Variants in ZMYM1 observed in about 807,000 individuals in gnomAD.
ZMYM1 encodes zinc finger MYM-type containing 1.
A neutral mutation model predicts 60.0 loss-of-function variants in ZMYM1; 39 were observed. The ratio of observed to expected loss-of-function variants is 0.65; its 90% CI spans 0.50 to 0.85. ZMYM1 has a LOEUF of 0.85. Ranked by LOEUF, ZMYM1 falls within the 40% of genes least tolerant of loss-of-function variation. The pLI is 0.00. For synonymous variants in ZMYM1, 413 were observed against 454.0 expected (o/e 0.91, Z 1.15); for missense variants, 1,171 against 1,309.5 (o/e 0.89, Z 1.63).
At chr1:35,075,692 A>C (rs934808116), upstream of ZMYM1, among the ~76,000 whole-genome samples, 4 of 152,208 alleles carry the variant, frequency 2.6e-5, no homozygotes, top group African/African-American at 4.8e-5. Context: ...ATATACACCA[A>C]TTCCAAATAT....
chr1:35,060,797 C>G (rs1457187297), intron 1 of ZMYM1, among the ~76,000 whole-genome samples: 2 of 152,212 alleles, frequency 1.3e-5, no homozygotes, highest in Non-Finnish European at 2.9e-5. Flanking sequence ...AACCAGCCAG[C>G]CTTTGTGGGA....
At chr1:35,062,596 C>A (rs1641895545) in intron 1 of ZMYM1, among the ~76,000 whole-genome samples, 1 of 152,246 alleles carries the variant, frequency 6.6e-6, no homozygotes, top group African/African-American at 2.4e-5. Context: ...AAATCTGCCA[C>A]TTAACCAGTT....
chr1:35,072,330 G>A, intron 1 of ZMYM1, among the ~76,000 whole-genome samples: 1 of 152,088 alleles, frequency 6.6e-6, no homozygotes, highest in Non-Finnish European at 1.5e-5. Context: ...ATCTTCTAAA[G>A]TTTATTGGCA....
chr1:35,112,073 C>A lies in ZMYM1; in HGVS notation c.1103-14C>A. On this transcript the variant is annotated splice_polypyrimidine_tract_variant and intron_variant, in intron 8 of 9. Transcript: ENST00000359858. ...TAGTATATAAGATCTTGAATTTATG[C>A]TCTATTTTAACAGATACAGTTTCTT... 1 of 1,609,574 alleles carries A rather than the reference C, an allele frequency of 6.2e-7. No individual in the cohort carries two copies. Among genetic ancestry groups the A allele is most frequent in the Non-Finnish European group, 8.5e-7 (1 of 1,177,768 alleles).
At chr1:35,088,637 A>C (rs537518829) in intron 1 of ZMYM1, among the ~76,000 whole-genome samples, 1 of 151,300 alleles carries the variant, frequency 6.6e-6, no homozygotes, top group African/African-American at 2.4e-5. Flanking sequence ...TGGAAAGATG[A>C]GTAGGGCTAT....
In ZMYM1 at chr1:35,114,046, G is replaced by C. The variant is rs1557722164; in HGVS notation, c.2216G>C (p.Arg739Thr). The stretch of plus-strand genomic sequence containing the variant: ...GCAGAATTCAAGAAAGAAGAACCAA[G>C]AGCTTTATACATACATTGTTATGCA... ...IAAEFKKEEP[R>T]ALYIHCYAHF... Residue 739 changes from arginine to threonine, a missense_variant, in exon 10 of 10, where the codon AGA becomes ACA. Arg to Thr is a moderately conservative substitution (Grantham distance 71, BLOSUM62 -1). Transcript: ENST00000359858. 1 of 1,606,866 alleles carries C rather than the reference G, an allele frequency of 6.2e-7. No homozygotes were observed. Among genetic ancestry groups the C allele is most frequent in the South Asian group, 1.1e-5 (1 of 88,856 alleles).
downstream of ZMYM1, among the ~76,000 whole-genome samples, chr1:35,117,757 A>G (rs1488235514): frequency 6.6e-6 from 1 of 151,616 alleles, no homozygotes; most frequent in African/African-American, 2.4e-5. Flanking sequence ...CCTGACTAAC[A>G]TGGAGAAACC....
chr1:35,085,857 T>C (rs1421554973), intron 1 of ZMYM1, among the ~76,000 whole-genome samples: 3 of 152,194 alleles, frequency 2.0e-5, no homozygotes, highest in Non-Finnish European at 2.9e-5. Flanking sequence ...TGTGGGGTCC[T>C]TGCTAAGAGT....
chr1:35,079,786 ATCTC>A lies in ZMYM1; in HGVS notation c.-75+347_-75+350del, dbSNP rs968643053. 4.6e-5 allele frequency among the ~76,000 whole-genome samples: 7 copies of A among 152,148 alleles called. 1 individual carries two copies. Among genetic ancestry groups the A allele is most frequent in the Admixed American group, 6.5e-5 (1 of 15,276 alleles). On this transcript the variant is annotated intron_variant, in intron 1 of 9. Coordinates refer to ENST00000359858, the MANE Select transcript of ZMYM1 (RefSeq NM_024772.5). ...GTTTCAGAAGCCCCATCACACCTGT[ATCTC>A]TCCTTCATTGAGCAGTGATTTTTCA...
Position 35,087,600 on chromosome 1 carries a change from G to A in ZMYM1, c.-74-6314G>A, listed in dbSNP as rs376935550. 2.2e-4 allele frequency among the ~76,000 whole-genome samples: 34 copies of A among 151,822 alleles called. No homozygotes were observed. In the East Asian group the frequency reaches 5.4e-3, roughly 24 times the overall value. ...CCCCACCACGCTCGGCTAATTTTTT[G>A]TATTTTTAGTAGAGACAGGGTTTCT... On this transcript the variant is annotated intron_variant, in intron 1 of 9. Transcript: ENST00000359858.
chr1:35,110,641 T>C (rs1290406825), intron 7 of ZMYM1, among the ~76,000 whole-genome samples, 194 bp downstream of exon 7: 1 of 151,980 alleles, frequency 6.6e-6, no homozygotes, highest in Non-Finnish European at 1.5e-5. Flanking sequence ...AGAGATTTAA[T>C]ATTTGTAGGC....
chr1:35,113,568 T>A lies in ZMYM1; in HGVS notation c.1738T>A (p.Ser580Thr). 6.2e-7 allele frequency: 1 copy of A among 1,613,816 alleles called. No homozygotes were observed. Among genetic ancestry groups the A allele is most frequent in the South Asian group, 1.1e-5 (1 of 91,020 alleles). The stretch of plus-strand genomic sequence containing the variant: ...AAGAGGAAACGACCAGTCAGTTTCA[T>A]CTGTGAATAAAGGCAATTTTTTAGA... The part of the protein sequence containing the change: ...PLRGNDQSVS[S>T]VNKGNFLELL... Residue 580 changes from serine to threonine, a missense_variant, in exon 10 of 10, where the codon TCT becomes ACT. Coordinates refer to ENST00000359858, the MANE Select transcript of ZMYM1 (RefSeq NM_024772.5).
rs186935028 is a variant in ZMYM1 at position 35,101,786 on chromosome 1, A to G, written c.420-2509A>G. 5.1e-3 allele frequency among the ~76,000 whole-genome samples: 779 copies of G among 152,060 alleles called. 5 individuals are homozygous for G. Among genetic ancestry groups the G allele is most frequent in the Middle Eastern group, 0.017 (5 of 294 alleles). On this transcript the variant is annotated intron_variant, in intron 4 of 9. Coordinates refer to ENST00000359858, the MANE Select transcript of ZMYM1 (RefSeq NM_024772.5). The stretch of plus-strand genomic sequence containing the variant: ...GGCTAGTCTCGAACTCCTGACCTCA[A>G]GTGATCTGCCCACCTTGGCCTCCCA...
rs1281759443 is a variant in ZMYM1, at chr1:35,064,312, AAC to A, written c.-301+4389_-301+4390del. ...TGTCTCAAAAAAAAAAAAAAAAAAA[AAC>A]AAAAAACACTGAAAGGAGAAATAGA... On this transcript the variant is annotated intron_variant, in intron 1 of 10. Transcript: ENST00000417119. Among the ~76,000 whole-genome samples the A allele has an allele frequency of 6.3e-5, 7 of 110,434 alleles. 1 individual carries two copies. The highest frequency in any genetic ancestry group is 3.7e-4 in the African/African-American group (5 of 13,424). 72.4% of individuals were successfully genotyped at this position (110,434 alleles called of 152,430 possible).
chr1:35,092,392 TCG>T (rs1278603712), intron 1 of ZMYM1, among the ~76,000 whole-genome samples: 3 of 86,664 alleles, frequency 3.5e-5, no homozygotes, highest in Non-Finnish European at 7.7e-5. Flanking sequence ...ACCACCACAC[TCG>T]GTTGATTTTT....
Position 35,104,487 on chromosome 1 carries a change from C to A in ZMYM1, c.594+18C>A, listed in dbSNP as rs772989927. ...CTGCTATTGTAAGTTCCAATTATAA[C>A]CTTTACAGGGATTCTGATGATTCTG... On this transcript the variant is annotated intron_variant, in intron 5 of 9. Transcript: ENST00000359858. The A allele has an allele frequency of 6.2e-7, 1 of 1,610,252 alleles. No individual in the cohort carries two copies. Among genetic ancestry groups the A allele is most frequent in the Non-Finnish European group, 8.5e-7 (1 of 1,177,464 alleles).
intron 6 of ZMYM1, 26 bp downstream of exon 6, chr1:35,104,795 T>G: frequency 6.3e-7 from 1 of 1,579,934 alleles, no homozygotes; most frequent in Non-Finnish European, 8.7e-7. Context: ...TATTGTTTCT[T>G]CTATTAACTG....
upstream of ZMYM1, among the ~76,000 whole-genome samples, chr1:35,076,171 A>G (rs1369240777): frequency 6.6e-6 from 1 of 152,186 alleles, no homozygotes; most frequent in African/African-American, 2.4e-5. Context: ...ATATAAAGGA[A>G]CAGTTAAAAG....
Position 35,093,941 on chromosome 1 carries a change from A to G in ZMYM1, c.-47A>G. The G allele has an allele frequency of 7.4e-7, 1 of 1,359,892 alleles. No individual in the cohort carries two copies. Among genetic ancestry groups the G allele is most frequent in the Non-Finnish European group, 1.0e-6 (1 of 985,890 alleles). 84.2% of individuals were successfully genotyped at this position (1,359,892 alleles called of 1,614,324 possible). ...ATCTGGAAACTGTTCTTCAGGAAGA[A>G]ACCCATTAGTTTGGAACTGGAGAAT... On this transcript the variant is annotated 5_prime_UTR_variant, in exon 2 of 10. Transcript: ENST00000359858.
Sources: gnomAD v4.1 joint callset for allele counts (sites outside exome capture counted in the v4.1 genomes callset) on GRCh38, gnomAD v4.1.1 for gene constraint, MANE v1.5 for transcripts, NCBI Gene and HGNC (gene_info 2026-07-23, HGNC 2026-07-21) for gene names.